PLEKHA8: variants seen among roughly 807,000 people sequenced by gnomAD.
The protein encoded by PLEKHA8 is pleckstrin homology domain-containing family A member 8.
In PLEKHA8, 36 loss-of-function variants were observed where a neutral mutation model predicts 68.2. The observed-to-expected ratio is 0.53, with a 90% confidence interval of 0.40 to 0.70. The LOEUF is 0.70. Ranked by LOEUF, PLEKHA8 falls within the 30% of genes least tolerant of loss-of-function variation. The probability of loss-of-function intolerance (pLI) is 0.00; values close to 1 mark genes in which losing one functional copy is unlikely to be tolerated. For synonymous variants in PLEKHA8, 211 were observed against 216.1 expected (o/e 0.98, Z 0.20); for missense variants, 505 against 615.4 (o/e 0.82, Z 1.90).
At chr7:30,063,579 A>G (rs145044635) in intron 12 of PLEKHA8, among the ~76,000 whole-genome samples, 296 of 152,220 alleles carry the variant, frequency 1.9e-3, no homozygotes, top group African/African-American at 6.7e-3. Flanking sequence ...TTTCAGTGTC[A>G]CAGTTGGGTT....
At chr7:30,102,298 T>C (rs1176019638) in intron 13 of PLEKHA8, among the ~76,000 whole-genome samples, 2 of 152,226 alleles carry the variant, frequency 1.3e-5, no homozygotes, top group Non-Finnish European at 2.9e-5. Context: ...TTGGTGAGGA[T>C]GTGGAGAAAT....
chr7:30,074,803 GT>G (rs1233108017), intron 13 of PLEKHA8, among the ~76,000 whole-genome samples: 2 of 152,060 alleles, frequency 1.3e-5, no homozygotes, highest in Non-Finnish European at 2.9e-5. Context: ...GTATTCATGT[GT>G]TTTGGCTCTG....
At chr7:30,091,493 T>C (rs79129314), downstream of PLEKHA8, among the ~76,000 whole-genome samples, 183 of 152,264 alleles carry the variant, frequency 1.2e-3, 1 homozygote, top group African/African-American at 4.3e-3. Flanking sequence ...TTTTCGCTGC[T>C]AATTTTTCTC....
At chr7:30,108,299 G>A (rs944913887) in intron 13 of PLEKHA8, among the ~76,000 whole-genome samples, 3 of 151,818 alleles carry the variant, frequency 2.0e-5, no homozygotes, top group Admixed American at 2.0e-4. Context: ...AATGAGATTG[G>A]GCTTTAATTT....
At chr7:30,042,489 A>G (rs1468002961) in intron 1 of PLEKHA8, among the ~76,000 whole-genome samples, 2 of 152,170 alleles carry the variant, frequency 1.3e-5, no homozygotes, top group Non-Finnish European at 1.5e-5. Context: ...AACCAGCATC[A>G]TGGGAGTTGA....
rs1457426665 is a variant in PLEKHA8, at chr7:30,046,334, CCTGA to C, written c.288_291del (p.Asp97ValfsTer16). The C allele has an allele frequency of 4.3e-6, 7 of 1,612,310 alleles. No individual in the cohort carries two copies. Among genetic ancestry groups the C allele is most frequent in the Admixed American group, 1.7e-5 (1 of 59,792 alleles). ...TGGCCCTGGGATCAGCCAAGGCTTGCCTGACTGACAGTAGGACCCAGAAGGAGAA... is the reference window on the plus strand; with the variant it reads ...TGGCCCTGGGATCAGCCAAGGCTTGCCTGACAGTAGGACCCAGAAGGAGAA... On this transcript the variant is annotated frameshift_variant, in exon 3 of 14. Transcript: ENST00000449726. LOFTEE classifies it high-confidence loss of function.
At position 30,109,586 on chromosome 7, in the gene PLEKHA8, CAAAAAAAAAAAAAAAA is replaced by C. The variant is rs1166200858; in HGVS notation, c.1363-19668_1363-19653del. Among the ~76,000 whole-genome samples, 7 of 41,622 alleles carry C rather than the reference CAAAAAAAAAAAAAAAA, an allele frequency of 1.7e-4. No individual in the cohort carries two copies. In the South Asian group the frequency reaches 5.6e-3, roughly 33 times the overall value. 27.3% of individuals were successfully genotyped at this position (41,622 alleles called of 152,430 possible). A position where few individuals can be genotyped will look rare whatever the true frequency, so the allele number is the denominator to read the frequency against. The stretch of plus-strand genomic sequence containing the variant: ...CTGGGCAACGAGTGAAACTCTGTCT[CAAAAAAAAAAAAAAAA>C]AAAAAAAAAAAGAGAGAGAGATTAA... On this transcript the variant is annotated intron_variant, in intron 13 of 13. Coordinates refer to the PLEKHA8 transcript ENST00000396257.
At chr7:30,092,793 A>G (rs1380222811), downstream of PLEKHA8, among the ~76,000 whole-genome samples, 1 of 152,188 alleles carries the variant, frequency 6.6e-6, no homozygotes, top group East Asian at 1.9e-4. Flanking sequence ...GGGACTATGT[A>G]TTTAGAGACT....
chr7:30,051,520 A>G (rs555964108), intron 6 of PLEKHA8, among the ~76,000 whole-genome samples: 20 of 152,286 alleles, frequency 1.3e-4, no homozygotes, highest in African/African-American at 3.6e-4. Flanking sequence ...TAATCACCTA[A>G]TCATAATGAT....
chr7:30,086,242 C>A (rs969907804), downstream of PLEKHA8, among the ~76,000 whole-genome samples: 1 of 152,196 alleles, frequency 6.6e-6, no homozygotes, highest in African/African-American at 2.4e-5. Context: ...TCTGTATGGG[C>A]TCTGCTTATT....
chr7:30,112,157 A>G (rs1016668219), intron 13 of PLEKHA8, among the ~76,000 whole-genome samples: 13 of 152,218 alleles, frequency 8.5e-5, no homozygotes, highest in African/African-American at 2.9e-4. Context: ...ACAATTCACT[A>G]GGAATATTCA....
chr7:30,047,649 C>T (rs1427307364), intron 3 of PLEKHA8, among the ~76,000 whole-genome samples, 183 bp from the exon 4 acceptor site: 5 of 152,114 alleles, frequency 3.3e-5, no homozygotes, highest in African/African-American at 1.2e-4. Flanking sequence ...TCTACTTTTT[C>T]TGGTTTTTCT....
intron 11 of PLEKHA8, among the ~76,000 whole-genome samples, chr7:30,062,433 C>G (rs1276946320): frequency 6.6e-6 from 1 of 152,076 alleles, no homozygotes; most frequent in Non-Finnish European, 1.5e-5. Context: ...GCCACTAGTC[C>G]TGGGACACAT....
chr7:30,079,551 C>A lies in PLEKHA8; in HGVS notation c.*764C>A. ...TTCCCCATGCATTATCTCAATTGGACATCACAAGTAATGATACCCAGAGGG... is the reference window on the plus strand; with the variant it reads ...TTCCCCATGCATTATCTCAATTGGAAATCACAAGTAATGATACCCAGAGGG... On this transcript the variant is annotated 3_prime_UTR_variant, in exon 14 of 14. Coordinates refer to ENST00000449726, the MANE Select transcript of PLEKHA8 (RefSeq NM_001197026.2). 1 of 919,368 alleles carries A rather than the reference C, an allele frequency of 1.1e-6. No individual in the cohort carries two copies. The highest frequency in any genetic ancestry group is 1.3e-6 in the Non-Finnish European group (1 of 769,832). 57.0% of individuals were successfully genotyped at this position (919,368 alleles called of 1,614,324 possible).
At chr7:30,056,737 A>C (rs1792974322) in intron 9 of PLEKHA8, among the ~76,000 whole-genome samples, 1 of 101,452 alleles carries the variant, frequency 9.9e-6, no homozygotes, top group African/African-American at 3.6e-5. Flanking sequence ...AAAAAAAAAA[A>C]AAAAAGTGTG....
chr7:30,110,558 G>T (rs776963161), intron 13 of PLEKHA8, among the ~76,000 whole-genome samples: 1 of 152,122 alleles, frequency 6.6e-6, no homozygotes, highest in Non-Finnish European at 1.5e-5. Context: ...TTATTGCTTG[G>T]TCATATGGTA....
intron 6 of PLEKHA8, 63 bp from the exon 7 acceptor site, chr7:30,052,646 A>C (rs1792513658): frequency 8.7e-7 from 1 of 1,148,966 alleles, no homozygotes; most frequent in African/African-American, 1.6e-5. Context: ...GTTTCAAAAA[A>C]AAAAAAAAAA....
chr7:30,048,000 TAAAAG>T (rs1369133132), intron 4 of PLEKHA8, 44 bp downstream of exon 4: 1 of 1,095,438 alleles, frequency 9.1e-7, no homozygotes. Flanking sequence ...ATGAATAATA[TAAAAG>T]AAGTGACTAC....
rs947802109 is a variant in PLEKHA8 at position 30,054,980 on chromosome 7, A to G, written c.953+115A>G. The G allele has an allele frequency of 1.6e-5, 17 of 1,060,352 alleles. No homozygotes were observed. The South Asian group carries it at 2.6e-4, about 16-fold the overall frequency. 65.7% of individuals were successfully genotyped at this position (1,060,352 alleles called of 1,614,324 possible). On this transcript the variant is annotated intron_variant, in intron 8 of 13. Coordinates refer to ENST00000449726, the MANE Select transcript of PLEKHA8 (RefSeq NM_001197026.2). The stretch of plus-strand genomic sequence containing the variant: ...ATTCTAGGAGAATAGAGAATGTGGT[A>G]TACCAAGTACCTGCTTTACTGTTTA...
Sources: gnomAD v4.1 joint callset for allele counts (sites outside exome capture counted in the v4.1 genomes callset) on GRCh38, gnomAD v4.1.1 for gene constraint, MANE v1.5 for transcripts, NCBI Gene and HGNC (gene_info 2026-07-23, HGNC 2026-07-21) for gene names.